Variants in LYPLAL1 observed in about 807,000 individuals in gnomAD.
LYPLAL1 encodes lysophospholipase-like protein 1.
A neutral mutation model predicts 19.7 loss-of-function variants in LYPLAL1; 23 were observed. The observed-to-expected ratio is 1.17, with a 90% CI of 0.84 to 1.65. The LOEUF is 1.65. Among genes scored for constraint, LYPLAL1 ranks in the 40% most tolerant of loss-of-function variants. The pLI is 0.00. For missense variants in LYPLAL1, 355 were observed against 279.4 expected, an observed-to-expected ratio of 1.27 and a Z score of -1.93; for synonymous variants, 119 against 96.3, an observed-to-expected ratio of 1.24 and a Z score of -1.38.
At chr1:219,388,892 T>G in the LYPLAL1 span, among the ~76,000 whole-genome samples, 2 of 152,204 alleles carry the variant, frequency 1.3e-5, no homozygotes, top group African/African-American at 4.8e-5. Flanking sequence ...TAATTTTTAA[T>G]AGTTTTTCCT....
chr1:219,305,017 C>T, the LYPLAL1 span, among the ~76,000 whole-genome samples: 3 of 152,280 alleles, frequency 2.0e-5, no homozygotes, highest in East Asian at 5.8e-4. Flanking sequence ...AGGAGGACGT[C>T]AGCCAAAGAG....
At chr1:219,201,570 ATAT>A (rs1334829248) in intron 3 of LYPLAL1, among the ~76,000 whole-genome samples, 1 of 151,842 alleles carries the variant, frequency 6.6e-6, no homozygotes, top group Admixed American at 6.5e-5. Flanking sequence ...TATTAATTTC[ATAT>A]TATAATATAT....
At chr1:219,193,864 C>A (rs942114602) in intron 3 of LYPLAL1, among the ~76,000 whole-genome samples, 1 of 151,688 alleles carries the variant, frequency 6.6e-6, no homozygotes, top group Admixed American at 6.6e-5. Context: ...GAATGGTACA[C>A]GACATATTTT....
chr1:219,257,353 G>GTTTTTTTTTTTTTTTTT, the LYPLAL1 span, among the ~76,000 whole-genome samples: 4 of 132,580 alleles, frequency 3.0e-5, 2 homozygotes, highest in Non-Finnish European at 6.4e-5. Context: ...ATCCATACCA[G>GTTTTTTTTTTTTTTTTT]TTTTTGTTTT....
At chr1:219,355,709 C>G in the LYPLAL1 span, among the ~76,000 whole-genome samples, 1 of 151,476 alleles carries the variant, frequency 6.6e-6, no homozygotes, top group Non-Finnish European at 1.5e-5. Context: ...CAAGATAGAC[C>G]ATATGGAAGG....
chr1:219,330,395 G>T, the LYPLAL1 span, among the ~76,000 whole-genome samples: 6 of 152,244 alleles, frequency 3.9e-5, no homozygotes, highest in Admixed American at 3.3e-4. Context: ...ATCATCTTCT[G>T]TGTGACAATG....
chr1:219,354,003 T>C, the LYPLAL1 span, among the ~76,000 whole-genome samples: 2 of 152,108 alleles, frequency 1.3e-5, no homozygotes, highest in African/African-American at 2.4e-5. Context: ...AATAACAGAT[T>C]AGACACTGAA....
At chr1:219,175,114 T>C (rs958711252) in intron 1 of LYPLAL1, 2 of 984,852 alleles carry the variant, frequency 2.0e-6, no homozygotes, top group African/African-American at 3.5e-5. Context: ...TCTCTTTATT[T>C]TGAAAATGAG....
the LYPLAL1 span, among the ~76,000 whole-genome samples, chr1:219,234,169 G>C: frequency 6.6e-6 from 1 of 152,264 alleles, no homozygotes; most frequent in Non-Finnish European, 1.5e-5. Flanking sequence ...ATTTATGTAT[G>C]TGTGTTTGTT....
chr1:219,260,467 G>T, the LYPLAL1 span, among the ~76,000 whole-genome samples: 1 of 151,382 alleles, frequency 6.6e-6, no homozygotes, highest in Non-Finnish European at 1.5e-5. Flanking sequence ...CAAACAAATG[G>T]CAGTGAAATA....
intron 1 of LYPLAL1, chr1:219,174,277 C>T: frequency 7.6e-7 from 1 of 1,310,188 alleles, no homozygotes; most frequent in Non-Finnish European, 9.8e-7. Context: ...ATTCCTCGCC[C>T]CAAGTTTAAA....
At chr1:219,410,900 C>T in the LYPLAL1 span, among the ~76,000 whole-genome samples, 1 of 152,232 alleles carries the variant, frequency 6.6e-6, no homozygotes, top group African/African-American at 2.4e-5. Flanking sequence ...GGGCAGGGCT[C>T]GGGACCTGCA....
At chr1:219,290,487 A>G in the LYPLAL1 span, among the ~76,000 whole-genome samples, 4 of 152,200 alleles carry the variant, frequency 2.6e-5, no homozygotes, top group Non-Finnish European at 4.4e-5. Context: ...AAATAATAAT[A>G]TTGATTTTTA....
chr1:219,391,194 G>T, the LYPLAL1 span, among the ~76,000 whole-genome samples: 1 of 152,120 alleles, frequency 6.6e-6, no homozygotes, highest in African/African-American at 2.4e-5. Context: ...TGACTCTTGT[G>T]TACATTTGTG....
At chr1:219,351,423 C>T in the LYPLAL1 span, among the ~76,000 whole-genome samples, 1 of 151,964 alleles carries the variant, frequency 6.6e-6, no homozygotes, top group African/African-American at 2.4e-5. Flanking sequence ...AGAGAAATCT[C>T]TCTATACTTA....
At chr1:219,226,991 T>C in the LYPLAL1 span, among the ~76,000 whole-genome samples, 1 of 152,238 alleles carries the variant, frequency 6.6e-6, no homozygotes, top group Non-Finnish European at 1.5e-5. Flanking sequence ...CAACGTATAC[T>C]TTAAGATAAT....
the LYPLAL1 span, among the ~76,000 whole-genome samples, chr1:219,306,849 TAGACAGACAGAC>T: frequency 7.4e-6 from 1 of 135,304 alleles, no homozygotes; most frequent in Admixed American, 7.9e-5. Context: ...GATAGATAGA[TAGACAGACAGAC>T]AGACAGACAG....
the LYPLAL1 span, among the ~76,000 whole-genome samples, chr1:219,378,707 A>G: frequency 6.6e-6 from 1 of 152,146 alleles, no homozygotes. Context: ...TGAGGGCATA[A>G]TGAGACATGG....
intron 3 of LYPLAL1, among the ~76,000 whole-genome samples, chr1:219,194,286 G>A (rs1002692606): frequency 4.0e-5 from 6 of 151,898 alleles, no homozygotes; most frequent in Non-Finnish European, 8.8e-5. Context: ...CATTATGGGA[G>A]GACTAGGAAG....
Sources: allele counts gnomAD v4.1 joint callset (sites outside exome capture counted in the v4.1 genomes callset), GRCh38; gene constraint gnomAD v4.1.1; transcripts MANE v1.5; gene names NCBI Gene and HGNC (gene_info 2026-07-23, HGNC 2026-07-21).